Variants in GTF3C1 observed in about 807,000 individuals in gnomAD.
GTF3C1 encodes general transcription factor IIIC subunit 1.
In GTF3C1, 57 loss-of-function variants were observed where a neutral mutation model predicts 226.7. The observed-to-expected ratio is 0.25, with a 90% CI of 0.20 to 0.31. The LOEUF (loss-of-function observed/expected upper bound fraction) is 0.31. Ranked by LOEUF, GTF3C1 falls within the 10% of genes least tolerant of loss-of-function variation. The pLI is 1.00. For synonymous variants in GTF3C1, 1,090 were observed against 1,084.8 expected (o/e 1.00, Z -0.09); for missense variants, 2,217 against 2,776.1 (o/e 0.80, Z 4.53).
Position 27,486,041 on chromosome 16 carries a change from G to C in GTF3C1, c.3814C>G (p.Leu1272Val). The C allele has an allele frequency of 6.2e-7, 1 of 1,612,404 alleles. No individual in the cohort carries two copies. The highest frequency in any genetic ancestry group is 8.5e-7 in the Non-Finnish European group (1 of 1,178,688). Reference protein sequence around the residue: ...RVTWSMQEDGLLVLCRIASNV... With the variant: ...RVTWSMQEDGVLVLCRIASNV... ...CTGGCAATGCGGCACAGCACAAGCAGCCCATCCTCCTGCATAGACCAGGTG... is the reference window on the plus strand; with the variant it reads ...CTGGCAATGCGGCACAGCACAAGCACCCCATCCTCCTGCATAGACCAGGTG... The change falls in exon 24 of 37, where the codon CTG becomes GTG. Residue 1272 changes from leucine (L) to valine (V), a missense_variant. This residue lies in a region of GTF3C1 where 546 missense variants were observed against 663.0 expected (regional missense o/e 0.82). Transcript: ENST00000356183.
At chr16:27,535,597 T>C (rs894741404) in intron 4 of GTF3C1, among the ~76,000 whole-genome samples, 24 of 147,082 alleles carry the variant, frequency 1.6e-4, no homozygotes, top group African/African-American at 6.0e-4. Flanking sequence ...AAAAAAGCCA[T>C]GTGATGCTCA....
intron 6 of GTF3C1, among the ~76,000 whole-genome samples, chr16:27,516,006 C>CA (rs933595768): frequency 9.2e-5 from 14 of 152,356 alleles, no homozygotes; most frequent in Admixed American, 3.9e-4. Flanking sequence ...GCTAGGATGT[C>CA]AGTGAGCCCA....
In GTF3C1 at chr16:27,498,740, A is replaced by G; in HGVS notation, c.2062-7T>C. ...GGTGCACCACCAGATCCACCTGGAG[A>G]GAGAGGTTGGAGCATCCCACAGGGT... On this transcript the variant is annotated splice_polypyrimidine_tract_variant and splice_region_variant and intron_variant, in intron 12 of 36. Transcript: ENST00000356183. The G allele has an allele frequency of 6.8e-7, 1 of 1,461,642 alleles. No individual in the cohort carries two copies. Among genetic ancestry groups the G allele is most frequent in the Non-Finnish European group, 9.6e-7 (1 of 1,040,936 alleles). The allele number at this position is 1,461,642 out of a possible 1,614,324, so 90.5% of individuals were successfully genotyped here. A position where few individuals can be genotyped will look rare whatever the true frequency, so the allele number is the denominator to read the frequency against.
At chr16:27,468,926 T>TA (rs1173533369) in intron 32 of GTF3C1, among the ~76,000 whole-genome samples, 1 of 152,152 alleles carries the variant, frequency 6.6e-6, no homozygotes, top group African/African-American at 2.4e-5. Context: ...GTTGCAGAGC[T>TA]AAGCACCAGG....
At chr16:27,548,970 A>T (rs137913947) in intron 1 of GTF3C1, among the ~76,000 whole-genome samples, 361 of 152,318 alleles carry the variant, frequency 2.4e-3, no homozygotes, top group African/African-American at 8.3e-3. Flanking sequence ...CCTGGCCAAC[A>T]TGATGACACC....
chr16:27,518,567 G>A (rs2088697921), intron 6 of GTF3C1, among the ~76,000 whole-genome samples: 1 of 152,236 alleles, frequency 6.6e-6, no homozygotes, highest in Non-Finnish European at 1.5e-5. Context: ...AGGATCAAGT[G>A]TCATACCCAG....
rs2088176684 is a variant in GTF3C1, at chr16:27,488,408, G to A, written c.3519C>T (p.Ser1173=). The A allele has an allele frequency of 6.2e-7, 1 of 1,610,048 alleles. No individual in the cohort carries two copies. Among genetic ancestry groups the A allele is most frequent in the Non-Finnish European group, 8.5e-7 (1 of 1,176,378 alleles). The change falls in exon 23 of 37, where the codon AGC becomes AGT. Residue 1173 remains serine (S), a synonymous_variant. Coordinates refer to ENST00000356183, the MANE Select transcript of GTF3C1 (RefSeq NM_001520.4). ...TTGCTTCCCCCCAAATATTCAACCTGCTGTTGCCTAGACATAATCACAGGA... is the reference window on the plus strand; with the variant it reads ...TTGCTTCCCCCCAAATATTCAACCTACTGTTGCCTAGACATAATCACAGGA... ...RPMPLSARGN[S]RLNIWGEARV...
intron 6 of GTF3C1, among the ~76,000 whole-genome samples, chr16:27,512,228 C>T (rs895205967): frequency 5.3e-5 from 8 of 152,156 alleles, no homozygotes; most frequent in Non-Finnish European, 7.3e-5. Context: ...CAACAGGAGA[C>T]GCGCCTGTCT....
chr16:27,473,992 G>A (rs1596617343), intron 29 of GTF3C1, among the ~76,000 whole-genome samples: 1 of 152,188 alleles, frequency 6.6e-6, no homozygotes, highest in South Asian at 2.1e-4. Context: ...GGATAGGAGC[G>A]CTCAGGCCAT....
At chr16:27,529,245 C>T (rs1232551309) in intron 5 of GTF3C1, among the ~76,000 whole-genome samples, 1 of 152,058 alleles carries the variant, frequency 6.6e-6, no homozygotes, top group Non-Finnish European at 1.5e-5. Context: ...GGAGTTTGGA[C>T]CAGCCTGGCC....
At position 27,478,561 on chromosome 16, in the gene GTF3C1, GA is replaced by G. The variant is rs752398920; in HGVS notation, c.4197-31del. 2.6e-6 allele frequency: 4 copies of G among 1,512,374 alleles called. No homozygotes were observed. The South Asian group carries it at 4.5e-5, about 17-fold the overall frequency. 93.7% of individuals were successfully genotyped at this position (1,512,374 alleles called of 1,614,324 possible). A position where few individuals can be genotyped will look rare whatever the true frequency, so the allele number is the denominator to read the frequency against. ...AAAAGAAACATAACAGCATGTCAGT[GA>G]AACAAAACAGCTCCTCACTAAGCAA... On this transcript the variant is annotated intron_variant, in intron 27 of 36. Transcript: ENST00000356183.
rs766331959 is a variant in GTF3C1 at position 27,498,580 on chromosome 16, C to T, written c.2165+50G>A. 35 of 897,696 alleles carry T rather than the reference C, an allele frequency of 3.9e-5. 2 individuals are homozygous for T. The South Asian group carries it at 4.5e-4, about 12-fold the overall frequency. 55.6% of individuals were successfully genotyped at this position (897,696 alleles called of 1,614,324 possible). On this transcript the variant is annotated intron_variant, in intron 13 of 36. Coordinates refer to ENST00000356183, the MANE Select transcript of GTF3C1 (RefSeq NM_001520.4). ...TCTTCTGGATTGCTGTAGGCTGACA[C>T]ACAGACCTGGCAGCCTTGCTATGGG...
intron 23 of GTF3C1, among the ~76,000 whole-genome samples, chr16:27,486,685 T>C (rs548587779): frequency 6.6e-6 from 1 of 152,314 alleles, no homozygotes; most frequent in East Asian, 1.9e-4. Flanking sequence ...CAGCACACAG[T>C]GGTGGCTACT....
chr16:27,545,664 T>C, intron 1 of GTF3C1, 141 bp from the exon 2 acceptor site: 1 of 634,882 alleles, frequency 1.6e-6, no homozygotes, highest in Non-Finnish European at 2.8e-6. Flanking sequence ...ATGCAGATAA[T>C]CTTGACAAGC....
chr16:27,493,396 C>A, intron 16 of GTF3C1, 100 bp from the exon 17 acceptor site: 1 of 697,646 alleles, frequency 1.4e-6, no homozygotes, highest in Non-Finnish European at 2.6e-6. Flanking sequence ...CATAGTCTCC[C>A]TGAACCTGCC....
At chr16:27,481,221 C>T (rs773507487) in intron 26 of GTF3C1, 30 bp from the exon 27 acceptor site, 5 of 1,581,702 alleles carry the variant, frequency 3.2e-6, no homozygotes, top group South Asian at 1.1e-5. Flanking sequence ...AGAGGTTAAG[C>T]CCTTACTCTT....
intron 2 of GTF3C1, among the ~76,000 whole-genome samples, chr16:27,538,623 C>T (rs1237583269): frequency 2.0e-5 from 3 of 152,312 alleles, no homozygotes; most frequent in South Asian, 4.1e-4. Context: ...CGCCAAGGCG[C>T]TCAGGCCAAA....
rs928148494 is a variant in GTF3C1, at chr16:27,466,786, C to G, written c.5075-1246G>C. ...TAATAAAGCAAAAACAGCCTTGTTG[C>G]TGACATGGAGAAAGTTTCAGCAGTC... On this transcript the variant is annotated intron_variant, in intron 32 of 36. Transcript: ENST00000356183. 3.2e-4 allele frequency among the ~76,000 whole-genome samples: 48 copies of G among 152,330 alleles called. 1 individual carries two copies. The highest frequency in any genetic ancestry group is 6.8e-3 in the Middle Eastern group (2 of 294).
chr16:27,548,639 T>C (rs761582315), intron 1 of GTF3C1, among the ~76,000 whole-genome samples: 15 of 152,114 alleles, frequency 9.9e-5, no homozygotes, highest in African/African-American at 2.4e-4. Context: ...ACGCTGAAAA[T>C]AGCCTGGGTT....
Sources: allele counts gnomAD v4.1 joint callset (sites outside exome capture counted in the v4.1 genomes callset), GRCh38; gene constraint gnomAD v4.1.1; regional missense constraint gnomAD v4.1.1; transcripts MANE v1.5; gene names NCBI Gene and HGNC (gene_info 2026-07-23, HGNC 2026-07-21).